The following DPP6 variants were observed in gnomAD, a reference collection of about 807,000 sequenced individuals.
DPP6 encodes the protein A-type potassium channel modulatory protein DPP6.
A neutral mutation model predicts 122.6 loss-of-function variants in DPP6; 69 were observed. The observed-to-expected ratio is 0.56, with a 90% CI of 0.46 to 0.69. The LOEUF (loss-of-function observed/expected upper bound fraction) is 0.69, where lower values mean the gene tolerates loss of function less well. Ranked by LOEUF, DPP6 falls within the 30% of genes least tolerant of loss-of-function variation. DPP6 has a pLI of 0.00. For missense variants in DPP6, 928 were observed against 1,116.9 expected (o/e 0.83, Z 2.41); for synonymous variants, 418 against 433.1 (o/e 0.97, Z 0.43).
At chr7:154,195,811 A>G (rs567445289) in intron 1 of DPP6, among the ~76,000 whole-genome samples, 26 of 151,954 alleles carry the variant, frequency 1.7e-4, no homozygotes, top group African/African-American at 5.8e-4. Context: ...CTTCTTCTTC[A>G]GAGTTCTAGA....
chr7:154,575,882 G>T (rs1393726188), intron 5 of DPP6, among the ~76,000 whole-genome samples: 2 of 151,894 alleles, frequency 1.3e-5, no homozygotes, highest in African/African-American at 2.4e-5. Context: ...GCATTCCAGC[G>T]GATCTACAGG....
intron 1 of DPP6, among the ~76,000 whole-genome samples, chr7:153,953,865 CATG>C (rs1419715422): frequency 1.3e-5 from 2 of 152,214 alleles, no homozygotes; most frequent in Non-Finnish European, 2.9e-5. Context: ...TTGCTCACCT[CATG>C]GTGGTGCTGG....
chr7:153,931,393 C>T (rs1801163704), intron 1 of DPP6, among the ~76,000 whole-genome samples: 1 of 152,140 alleles, frequency 6.6e-6, no homozygotes, highest in Non-Finnish European at 1.5e-5. Context: ...ACTAAGGCAG[C>T]TCTCATCCTT....
At chr7:154,160,906 C>T (rs1022830448) in intron 1 of DPP6, among the ~76,000 whole-genome samples, 10 of 152,096 alleles carry the variant, frequency 6.6e-5, no homozygotes, top group African/African-American at 2.4e-4. Flanking sequence ...TGCAAAACCG[C>T]CGACAGCAAG....
intron 1 of DPP6, among the ~76,000 whole-genome samples, chr7:153,978,430 C>T (rs1796417857): frequency 6.6e-6 from 1 of 151,934 alleles, no homozygotes; most frequent in African/African-American, 2.4e-5. Flanking sequence ...GTTTAGGTTC[C>T]TTGTAGATTC....
At chr7:154,195,046 C>T (rs1798796481) in intron 1 of DPP6, among the ~76,000 whole-genome samples, 1 of 152,100 alleles carries the variant, frequency 6.6e-6, no homozygotes, top group Non-Finnish European at 1.5e-5. Context: ...TGGTGACTGC[C>T]TAGGAAATCT....
chr7:154,288,019 CAT>C (rs909504041), intron 1 of DPP6, among the ~76,000 whole-genome samples: 1 of 152,228 alleles, frequency 6.6e-6, no homozygotes, highest in African/African-American at 2.4e-5. Context: ...AGGAATGAGA[CAT>C]ATGTGTCCCC....
chr7:154,355,773 T>A (rs985111876), intron 1 of DPP6, among the ~76,000 whole-genome samples: 1 of 152,226 alleles, frequency 6.6e-6, no homozygotes, highest in African/African-American at 2.4e-5. Flanking sequence ...ACTGGTAGTT[T>A]AAGTGGTTTA....
chr7:153,937,352 T>C (rs1032505315), intron 1 of DPP6, among the ~76,000 whole-genome samples: 1 of 152,014 alleles, frequency 6.6e-6, no homozygotes, highest in Non-Finnish European at 1.5e-5. Context: ...AGATGAGTTG[T>C]GGTGTCCAGC....
chr7:154,544,465 C>T (rs1828999589), intron 4 of DPP6, among the ~76,000 whole-genome samples: 2 of 152,174 alleles, frequency 1.3e-5, no homozygotes. Context: ...ACATAGTGCT[C>T]AGCACCATGA....
the DPP6 span, among the ~76,000 whole-genome samples, chr7:153,771,029 G>A: frequency 6.6e-6 from 1 of 152,158 alleles, no homozygotes; most frequent in Non-Finnish European, 1.5e-5. Flanking sequence ...ATAGAGATTT[G>A]AGGAGAAGAA....
chr7:154,033,631 C>T (rs1400304718), intron 1 of DPP6, among the ~76,000 whole-genome samples: 1 of 152,216 alleles, frequency 6.6e-6, no homozygotes, highest in Non-Finnish European at 1.5e-5. Context: ...TCGTCTCTGT[C>T]TTTGATGCAG....
intron 1 of DPP6, among the ~76,000 whole-genome samples, chr7:153,922,865 T>A (rs1370004354): frequency 1.3e-5 from 2 of 152,186 alleles, no homozygotes; most frequent in Non-Finnish European, 2.9e-5. Context: ...TGACATCCAG[T>A]CTTTGGACAA....
intron 1 of DPP6, among the ~76,000 whole-genome samples, chr7:154,012,824 A>G (rs116665935): frequency 0.11 from 16,133 of 152,274 alleles, 968 homozygotes; most frequent in East Asian, 0.19. Flanking sequence ...AATTGAATGT[A>G]GAACATTATG....
chr7:154,638,556 C>G (rs1835872593), intron 6 of DPP6, among the ~76,000 whole-genome samples: 2 of 152,292 alleles, frequency 1.3e-5, no homozygotes, highest in Middle Eastern at 3.4e-3. Flanking sequence ...GCACTGCTAA[C>G]CTCATCTGGT....
intron 1 of DPP6, among the ~76,000 whole-genome samples, chr7:153,954,447 T>G (rs1008320725): frequency 2.0e-5 from 3 of 152,230 alleles, no homozygotes; most frequent in African/African-American, 7.2e-5. Context: ...GTACAGATAT[T>G]CATAATTTTT....
At chr7:153,889,334 C>T (rs1446042154) in intron 1 of DPP6, among the ~76,000 whole-genome samples, 3 of 152,176 alleles carry the variant, frequency 2.0e-5, no homozygotes, top group Admixed American at 6.5e-5. Context: ...AGGATAGAAA[C>T]GTGTATGGAG....
chr7:153,907,252 G>A (rs1326840827), intron 1 of DPP6, among the ~76,000 whole-genome samples: 1 of 152,156 alleles, frequency 6.6e-6, no homozygotes. Context: ...CTCTGATGAT[G>A]AGTGATGATG....
At chr7:153,938,699 G>A (rs1801569263) in intron 1 of DPP6, among the ~76,000 whole-genome samples, 1 of 152,154 alleles carries the variant, frequency 6.6e-6, no homozygotes, top group Admixed American at 6.5e-5. Flanking sequence ...CGCCTTCCCT[G>A]CAACTTCATT....
Sources: allele counts gnomAD v4.1 joint callset (sites outside exome capture counted in the v4.1 genomes callset), GRCh38; gene constraint gnomAD v4.1.1; transcripts MANE v1.5; gene names NCBI Gene and HGNC (gene_info 2026-07-23, HGNC 2026-07-21).